Variants in LRRC37A observed in about 807,000 individuals in gnomAD.
LRRC37A encodes leucine rich repeat containing 37A, also known as leucine-rich repeat-containing protein 37A.
A neutral mutation model predicts 35.4 loss-of-function variants in LRRC37A; 3 were observed. The ratio of observed to expected loss-of-function variants is 0.08; its 90% CI spans 0.04 to 0.22. The LOEUF (loss-of-function observed/expected upper bound fraction) is 0.22. Among genes scored for constraint, LRRC37A ranks in the 10% least tolerant of loss-of-function variants. The probability of loss-of-function intolerance (pLI) is 1.00; values close to 1 mark genes in which losing one functional copy is unlikely to be tolerated. For missense variants in LRRC37A, 67 were observed against 565.3 expected (o/e 0.12, Z 8.94); for synonymous variants, 23 against 215.0 (o/e 0.11, Z 7.81).
At chr17:46,267,452 T>C in the LRRC37A span, 2 of 1,613,174 alleles carry the variant, frequency 1.2e-6, no homozygotes, top group Non-Finnish European at 1.7e-6. Flanking sequence ...CGTCTTCTTC[T>C]TCCGAGTCCA....
chr17:46,331,426 A>G lies in LRRC37A; in HGVS notation c.4149A>G (p.Ile1383Met), dbSNP rs147486645. 4.1e-4 allele frequency: 503 copies of G among 1,227,412 alleles called. 101 individuals carry two copies. In the African/African-American group the frequency reaches 7.6e-3, roughly 18 times the overall value. The allele number at this position is 1,227,412 out of a possible 1,614,324, so 76.0% of individuals were successfully genotyped here. A position where few individuals can be genotyped will look rare whatever the true frequency, so the allele number is the denominator to read the frequency against. ...TATCTGCTCTTTCAGAACATTTTATAGAGAAGAATAATACAAAACACACAA... is the reference window on the plus strand; with the variant it reads ...TATCTGCTCTTTCAGAACATTTTATGGAGAAGAATAATACAAAACACACAA... Residue 1383 changes from isoleucine to methionine, a missense_variant, in exon 9 of 14, where the codon ATA becomes ATG. Ile to Met is a conservative substitution (Grantham distance 10, BLOSUM62 1). Coordinates refer to ENST00000320254, the Ensembl canonical transcript of LRRC37A.
the LRRC37A span, among the ~76,000 whole-genome samples, chr17:46,256,064 C>G: frequency 6.6e-6 from 1 of 152,106 alleles, no homozygotes; most frequent in Non-Finnish European, 1.5e-5. Flanking sequence ...GCTGACAGTG[C>G]CCCATGATGG....
chr17:46,271,242 C>G, the LRRC37A span, among the ~76,000 whole-genome samples: 1 of 151,172 alleles, frequency 6.6e-6, no homozygotes, highest in African/African-American at 2.4e-5. Flanking sequence ...GTCAGCTCAC[C>G]GCAACCTCTC....
the LRRC37A span, chr17:46,274,968 A>C: frequency 6.4e-6 from 1 of 156,260 alleles, no homozygotes. Context: ...TCTCGGCTCA[A>C]TACAACCTCT....
chr17:46,250,886 T>TCTCTTC, the LRRC37A span, among the ~76,000 whole-genome samples: 3 of 151,330 alleles, frequency 2.0e-5, no homozygotes, highest in African/African-American at 4.9e-5. Context: ...TCCTCTTCCT[T>TCTCTTC]CTCTTCCTCT....
At chr17:46,261,335 T>A in the LRRC37A span, among the ~76,000 whole-genome samples, 1 of 152,252 alleles carries the variant, frequency 6.6e-6, no homozygotes, top group African/African-American at 2.4e-5. Context: ...TAGGGGAGAC[T>A]ACATGGTATG....
upstream of LRRC37A, among the ~76,000 whole-genome samples, chr17:46,291,128 A>C (rs895417954): frequency 6.6e-6 from 1 of 152,248 alleles, no homozygotes; most frequent in Non-Finnish European, 1.5e-5. Flanking sequence ...TTATAGAGAG[A>C]GACTGAACTT....
At chr17:46,258,777 C>A in the LRRC37A span, among the ~76,000 whole-genome samples, 1 of 102,758 alleles carries the variant, frequency 9.7e-6, no homozygotes, top group African/African-American at 3.0e-5. Context: ...TGCAGTTGTG[C>A]AATCTTGGCT....
the LRRC37A span, among the ~76,000 whole-genome samples, chr17:46,253,100 C>T: frequency 6.8e-6 from 1 of 147,908 alleles, no homozygotes; most frequent in African/African-American, 2.4e-5. Context: ...AGGGTCTCCT[C>T]ACTTCTCAGA....
At chr17:46,278,630 C>T in the LRRC37A span, among the ~76,000 whole-genome samples, 50 of 151,950 alleles carry the variant, frequency 3.3e-4, no homozygotes, top group Non-Finnish European at 2.9e-5. Flanking sequence ...TCTCAAACTC[C>T]TGACCTCGTG....
At position 46,312,662 on chromosome 17, in the gene LRRC37A, A is replaced by G. The variant is rs567152991; in HGVS notation, c.2906+6353A>G. Among the ~76,000 whole-genome samples, 174 of 78,642 alleles carry G rather than the reference A, an allele frequency of 2.2e-3. 2 individuals carry two copies. Among genetic ancestry groups the G allele is most frequent in the Middle Eastern group, 7.0e-3 (1 of 142 alleles). The allele number at this position is 78,642 out of a possible 152,430, so 51.6% of individuals were successfully genotyped here. Reference sequence around the variant, plus strand: ...GTGGGCAGAGGAAGATATAGAATGAAGGGGTAGCCGACTTTGTACAGAGCC... The same window carrying G: ...GTGGGCAGAGGAAGATATAGAATGAGGGGGTAGCCGACTTTGTACAGAGCC... On this transcript the variant is annotated intron_variant, in intron 5 of 13. Transcript: ENST00000320254.
chr17:46,274,564 G>A, the LRRC37A span, among the ~76,000 whole-genome samples: 2 of 152,184 alleles, frequency 1.3e-5, no homozygotes, highest in African/African-American at 4.8e-5. Context: ...GATAAGATAT[G>A]GATGGATTAT....
the LRRC37A span, among the ~76,000 whole-genome samples, chr17:46,257,307 G>A: frequency 6.6e-6 from 1 of 151,944 alleles, no homozygotes; most frequent in Non-Finnish European, 1.5e-5. Flanking sequence ...AATTAGCTGG[G>A]TGTGGTGGCA....
the LRRC37A span, among the ~76,000 whole-genome samples, chr17:46,255,125 C>T: frequency 2.0e-5 from 3 of 152,066 alleles, no homozygotes; most frequent in Non-Finnish European, 4.4e-5. Flanking sequence ...TGTGAGCCAT[C>T]AAGCCCAGCC....
At chr17:46,264,741 G>C in the LRRC37A span, among the ~76,000 whole-genome samples, 1 of 152,228 alleles carries the variant, frequency 6.6e-6, no homozygotes, top group Non-Finnish European at 1.5e-5. Context: ...TCTTCCAGCT[G>C]TTGCCACCCC....
At chr17:46,267,728 A>G in the LRRC37A span, among the ~76,000 whole-genome samples, 8 of 151,974 alleles carry the variant, frequency 5.3e-5, no homozygotes, top group Admixed American at 1.3e-4. Context: ...TGAGAACGGC[A>G]GCTGTTGGCA....
chr17:46,277,033 G>T, the LRRC37A span, among the ~76,000 whole-genome samples: 4 of 152,148 alleles, frequency 2.6e-5, no homozygotes, highest in Admixed American at 1.3e-4. Flanking sequence ...TCAAACTCCT[G>T]GGCTCAAGTG....
At chr17:46,266,837 G>T in the LRRC37A span, among the ~76,000 whole-genome samples, 2 of 151,414 alleles carry the variant, frequency 1.3e-5, no homozygotes, top group African/African-American at 4.8e-5. Flanking sequence ...CCTGGCGCAA[G>T]CCGAGAACCG....
At chr17:46,287,591 C>T in the LRRC37A span, among the ~76,000 whole-genome samples, 6 of 152,340 alleles carry the variant, frequency 3.9e-5, no homozygotes, top group East Asian at 9.6e-4. Flanking sequence ...GGAATTTAAT[C>T]GAATTAAAAA....
Sources: allele counts gnomAD v4.1 joint callset (sites outside exome capture counted in the v4.1 genomes callset), GRCh38; gene constraint gnomAD v4.1.1; transcripts MANE v1.5; gene names NCBI Gene and HGNC (gene_info 2026-07-23, HGNC 2026-07-21).